Variants in FSIP1 observed in about 807,000 individuals in gnomAD.
FSIP1 encodes the protein fibrous sheath interacting protein 1, also known as fibrous sheath-interacting protein 1.
A neutral mutation model predicts 60.9 loss-of-function variants in FSIP1; 65 were observed. The ratio of observed to expected loss-of-function variants is 1.07; its 90% CI spans 0.87 to 1.31. The LOEUF (loss-of-function observed/expected upper bound fraction) is 1.31, where lower values mean the gene tolerates loss of function less well. Ranked by LOEUF, FSIP1 falls within the 40% of genes most tolerant of loss-of-function variation. The pLI is 0.00. For missense variants in FSIP1, 675 were observed against 665.5 expected (o/e 1.01, Z -0.16); for synonymous variants, 209 against 221.2 (o/e 0.94, Z 0.49).
intron 10 of FSIP1, among the ~76,000 whole-genome samples, chr15:39,692,017 T>C (rs528878677): frequency 6.6e-6 from 1 of 152,178 alleles, no homozygotes; most frequent in South Asian, 2.1e-4. Flanking sequence ...CCGCAAGTGA[T>C]TCTCTTTAAG....
At chr15:39,707,076 C>T (rs1175098189) in intron 10 of FSIP1, among the ~76,000 whole-genome samples, 1 of 152,004 alleles carries the variant, frequency 6.6e-6, no homozygotes, top group Non-Finnish European at 1.5e-5. Context: ...GTTCCCCTGC[C>T]CCCATAGGTA....
chr15:39,702,066 C>G (rs1215283554), intron 10 of FSIP1, among the ~76,000 whole-genome samples: 1 of 152,152 alleles, frequency 6.6e-6, no homozygotes, highest in African/African-American at 2.4e-5. Flanking sequence ...TGGTAACTCT[C>G]ATGGGGGACT....
At chr15:39,663,330 G>A (rs1294537762) in intron 10 of FSIP1, among the ~76,000 whole-genome samples, 1 of 151,752 alleles carries the variant, frequency 6.6e-6, no homozygotes, top group Non-Finnish European at 1.5e-5. Flanking sequence ...ATATCACAAG[G>A]GAAGAAATGT....
At position 39,632,060 on chromosome 15, in the gene FSIP1, C is replaced by T. The variant is rs113221074; in HGVS notation, c.1189-13815G>A. On this transcript the variant is annotated intron_variant, in intron 10 of 11. Transcript: ENST00000350221. ...GAATTATGGATTATATAAAGACTGA[C>T]GAGTACAATAGATGTTCAATGTGGT... Among the ~76,000 whole-genome samples the T allele has an allele frequency of 4.8e-3, 735 of 152,232 alleles. 4 individuals are homozygous for T. Among genetic ancestry groups the T allele is most frequent in the African/African-American group, 0.017 (697 of 41,534 alleles).
At chr15:39,690,798 A>G (rs1483320963) in intron 10 of FSIP1, among the ~76,000 whole-genome samples, 5 of 152,148 alleles carry the variant, frequency 3.3e-5, no homozygotes, top group Admixed American at 1.3e-4. Context: ...ACTCATATAC[A>G]CTGTCAAAGG....
chr15:39,687,136 C>CTTTTTTTTTTTTTTTTTTTTTTTTTTTTT lies in FSIP1; in HGVS notation c.1188+26307_1188+26308insAAAAAAAAAAAAAAAAAAAAAAAAAAAAA, dbSNP rs1491090328. Among the ~76,000 whole-genome samples the CTTTTTTTTTTTTTTTTTTTTTTTTTTTTT allele has an allele frequency of 3.1e-4, 15 of 47,732 alleles. 6 individuals carry two copies. Among genetic ancestry groups the CTTTTTTTTTTTTTTTTTTTTTTTTTTTTT allele is most frequent in the Admixed American group, 8.7e-4 (3 of 3,434 alleles). The allele number at this position is 47,732 out of a possible 152,430, so 31.3% of individuals were successfully genotyped here. ...CACCTTTCTTTCTTTCTTTTCTTTT[C>CTTTTTTTTTTTTTTTTTTTTTTTTTTTTT]CTTTTTTTTTTTTTTTTTTTTTTTT... On this transcript the variant is annotated intron_variant, in intron 10 of 11. Transcript: ENST00000350221.
intron 10 of FSIP1, among the ~76,000 whole-genome samples, chr15:39,653,580 A>C (rs1892959404): frequency 6.6e-6 from 1 of 152,126 alleles, no homozygotes. Flanking sequence ...CCCAAATTTC[A>C]TCTTGTAGCT....
At chr15:39,730,812 A>C (rs1367557418) in intron 8 of FSIP1, among the ~76,000 whole-genome samples, 2 of 152,196 alleles carry the variant, frequency 1.3e-5, no homozygotes, top group Non-Finnish European at 2.9e-5. Flanking sequence ...GGCAGCAATG[A>C]GCATCTCGTG....
At chr15:39,635,197 T>C (rs1892079234) in intron 10 of FSIP1, among the ~76,000 whole-genome samples, 1 of 152,052 alleles carries the variant, frequency 6.6e-6, no homozygotes, top group African/African-American at 2.4e-5. Context: ...AGCTGGAGCA[T>C]GGTGGTGCAT....
intron 1 of FSIP1, among the ~76,000 whole-genome samples, chr15:39,777,802 C>T (rs1898113218): frequency 6.6e-6 from 1 of 152,188 alleles, no homozygotes; most frequent in African/African-American, 2.4e-5. Context: ...TCAACCATAA[C>T]AGAATGAAAA....
chr15:39,638,816 A>G lies in FSIP1; in HGVS notation c.1189-20571T>C, dbSNP rs530892566. ...CACATGTGGGTGCGTGTGTGGGTGC[A>G]TGTGTGTGTGCGCGTGTGTGTGTGC... is the stretch of plus-strand genomic sequence containing the variant. On this transcript the variant is annotated intron_variant, in intron 10 of 11. Coordinates refer to ENST00000350221, the MANE Select transcript of FSIP1 (RefSeq NM_152597.5). Among the ~76,000 whole-genome samples the G allele has an allele frequency of 1.8e-3, 275 of 151,418 alleles. 1 individual carries two copies. Among genetic ancestry groups the G allele is most frequent in the Non-Finnish European group, 2.9e-3 (199 of 67,844 alleles).
At chr15:39,718,831 C>G (rs554178725) in intron 9 of FSIP1, among the ~76,000 whole-genome samples, 1 of 152,074 alleles carries the variant, frequency 6.6e-6, no homozygotes, top group Admixed American at 6.5e-5. Context: ...CCATTTTTGT[C>G]CTGCTCTGAC....
At chr15:39,644,482 A>G (rs1176838536) in intron 10 of FSIP1, among the ~76,000 whole-genome samples, 3 of 152,156 alleles carry the variant, frequency 2.0e-5, no homozygotes, top group Admixed American at 2.0e-4. Context: ...TTATCAGTCA[A>G]ACCTGCCAGG....
At chr15:39,690,795 T>C (rs982708092) in intron 10 of FSIP1, among the ~76,000 whole-genome samples, 1 of 152,246 alleles carries the variant, frequency 6.6e-6, no homozygotes, top group African/African-American at 2.4e-5. Flanking sequence ...TTAACTCATA[T>C]ACACTGTCAA....
chr15:39,669,141 C>A (rs183706549), intron 10 of FSIP1, among the ~76,000 whole-genome samples: 4 of 152,144 alleles, frequency 2.6e-5, no homozygotes, highest in African/African-American at 9.7e-5. Flanking sequence ...TTAGGGCCAG[C>A]CTCAGCTGCA....
intron 2 of FSIP1, among the ~76,000 whole-genome samples, chr15:39,774,668 T>TTTGTATAAGTATA (rs1428118408): frequency 1.3e-5 from 2 of 152,198 alleles, no homozygotes; most frequent in Admixed American, 6.5e-5. Flanking sequence ...CACTTATAGC[T>TTTGTATAAGTATA]AGGGTTCTGG....
intron 10 of FSIP1, among the ~76,000 whole-genome samples, chr15:39,629,733 C>G (rs575985637): frequency 6.6e-6 from 1 of 152,186 alleles, no homozygotes; most frequent in Non-Finnish European, 1.5e-5. Context: ...TTTATAGGAG[C>G]CTCGTTGAAT....
intron 10 of FSIP1, among the ~76,000 whole-genome samples, chr15:39,668,203 CAAA>C (rs5812129): frequency 0.022 from 2,965 of 135,176 alleles, 102 homozygotes; most frequent in African/African-American, 0.075. Context: ...ATTAAATTTC[CAAA>C]AAAAAAAAAA....
intron 10 of FSIP1, among the ~76,000 whole-genome samples, chr15:39,671,401 T>TA (rs1893714958): frequency 6.6e-6 from 1 of 152,162 alleles, no homozygotes; most frequent in African/African-American, 2.4e-5. Context: ...TGATTTTTTT[T>TA]AAAAAGAAAA....
Sources: gnomAD v4.1 joint callset for allele counts (sites outside exome capture counted in the v4.1 genomes callset) on GRCh38, gnomAD v4.1.1 for gene constraint, MANE v1.5 for transcripts, NCBI Gene and HGNC (gene_info 2026-07-23, HGNC 2026-07-21) for gene names.